SHANK2: variants seen among roughly 807,000 people sequenced by gnomAD.
The protein encoded by SHANK2 is SH3 and multiple ankyrin repeat domains protein 2.
SHANK2 carries 43 observed loss-of-function variants against 133.7 expected under a neutral mutation model. That is an observed-to-expected ratio of 0.32 (90% CI 0.25 to 0.41). SHANK2 has a LOEUF of 0.41. SHANK2 is among the 10% of genes least tolerant of loss of function. SHANK2 has a pLI of 1.00. For synonymous variants in SHANK2, 1,017 were observed against 952.8 expected, an observed-to-expected ratio of 1.07 and a Z score of -1.24; for missense variants, 1,994 against 2,235.8, an observed-to-expected ratio of 0.89 and a Z score of 2.18.
At chr11:70,802,771 C>T (rs1204147274) in intron 13 of SHANK2, among the ~76,000 whole-genome samples, 1 of 152,166 alleles carries the variant, frequency 6.6e-6, no homozygotes, top group Non-Finnish European at 1.5e-5. Flanking sequence ...ACGCTGGCGC[C>T]CCCTGTGCCC....
intron 12 of SHANK2, among the ~76,000 whole-genome samples, chr11:70,808,594 G>T (rs1183765056): frequency 1.3e-5 from 2 of 150,730 alleles, no homozygotes; most frequent in East Asian, 3.9e-4. Context: ...AATTGGCCAG[G>T]CATGGTGCTG....
chr11:70,490,333 G>A lies in SHANK2; in HGVS notation c.2494C>T (p.Pro832Ser), dbSNP rs1432362018. ...AVMTPTVPGS[P>S]KAPFLGIPRG... Reference sequence around the variant, plus strand: ...GGGATGCCCAGAAACGGGGCTTTTGGGCTCCCAGGAACAGTGGGCGTCATC... The same window carrying A: ...GGGATGCCCAGAAACGGGGCTTTTGAGCTCCCAGGAACAGTGGGCGTCATC... The change falls in exon 23 of 26, where the codon CCA becomes TCA. Residue 832 changes from proline to serine, a missense_variant. Physicochemically the swap from Pro to Ser is moderately conservative, Grantham distance 74. Coordinates refer to ENST00000601538, the MANE Select transcript of SHANK2 (RefSeq NM_012309.5). 1 of 1,614,194 alleles carries A rather than the reference G, an allele frequency of 6.2e-7. No homozygotes were observed. The highest frequency in any genetic ancestry group is 8.5e-7 in the Non-Finnish European group (1 of 1,180,034).
Position 70,756,032 on chromosome 11 carries a change from T to C in SHANK2, c.1777+42411A>G, listed in dbSNP as rs142651293. On this transcript the variant is annotated intron_variant, in intron 14 of 25. Transcript: ENST00000601538. ...CTGACGTCCTGGGGCCAAAGGCCTC[T>C]GTGATCTTGCGGAGATGGCTCTGCT... Among the ~76,000 whole-genome samples the C allele has an allele frequency of 7.9e-3, 1,202 of 152,274 alleles. 20 individuals are homozygous for C. Among genetic ancestry groups the C allele is most frequent in the African/African-American group, 0.028 (1,157 of 41,550 alleles).
chr11:70,820,446 G>T lies in SHANK2; in HGVS notation c.1411C>A (p.Pro471Thr). The T allele has an allele frequency of 1.4e-6, 1 of 713,220 alleles. No individual in the cohort carries two copies. Among genetic ancestry groups the T allele is most frequent in the East Asian group, 2.7e-5 (1 of 37,100 alleles). The allele number at this position is 713,220 out of a possible 1,614,324, so 44.2% of individuals were successfully genotyped here. ...TTGAGCGATGGGGACCGGCTGCGGGGCCCGGGCACGTAGCTCCCAATGGTC... is the reference window on the plus strand; with the variant it reads ...TTGAGCGATGGGGACCGGCTGCGGGTCCCGGGCACGTAGCTCCCAATGGTC... ...AKTIGSYVPG[P>T]RSRSPSLNRL... The change falls in exon 12 of 26, where the codon CCC becomes ACC. Residue 471 changes from proline to threonine, a missense_variant. By Grantham distance (38) the Pro-to-Thr change is conservative. This residue lies in a region of SHANK2 where 653 missense variants were observed against 563.4 expected (regional missense o/e 1.16). Coordinates refer to ENST00000601538, the MANE Select transcript of SHANK2 (RefSeq NM_012309.5).
intron 3 of SHANK2, among the ~76,000 whole-genome samples, chr11:71,128,374 G>C (rs1952231183): frequency 6.6e-6 from 1 of 152,150 alleles, no homozygotes; most frequent in South Asian, 2.1e-4. Flanking sequence ...CCTGCAAATG[G>C]ATGTAACGAG....
At chr11:70,541,345 A>C (rs2059619520) in intron 17 of SHANK2, among the ~76,000 whole-genome samples, 1 of 152,338 alleles carries the variant, frequency 6.6e-6, no homozygotes, top group African/African-American at 2.4e-5. Context: ...GAACAGTAGG[A>C]ATAGCCACCG....
chr11:70,862,009 C>G (rs1555067895), intron 11 of SHANK2, among the ~76,000 whole-genome samples: 1 of 151,814 alleles, frequency 6.6e-6, no homozygotes, highest in African/African-American at 2.4e-5. Context: ...AAAGTGAAAA[C>G]CTGGGAAGGA....
chr11:70,471,447 T>C lies in SHANK2; in HGVS notation c.*1422A>G. 1 of 398,684 alleles carries C rather than the reference T, an allele frequency of 2.5e-6. No homozygotes were observed. Among genetic ancestry groups the C allele is most frequent in the Non-Finnish European group, 4.4e-6 (1 of 226,008 alleles). 24.7% of individuals were successfully genotyped at this position (398,684 alleles called of 1,614,324 possible). A position where few individuals can be genotyped will look rare whatever the true frequency, so the allele number is the denominator to read the frequency against. On this transcript the variant is annotated 3_prime_UTR_variant, in exon 26 of 26. Transcript: ENST00000601538. This position sits in a 1 kb window ranked among gnomAD's most constrained non-coding sequence, Gnocchi z 4.1. The stretch of plus-strand genomic sequence containing the variant: ...GACCTCTTTTGGAAATTCGAGGTAT[T>C]GTTATGGGGTGGAGGGACTCCGGGG...
intron 14 of SHANK2, among the ~76,000 whole-genome samples, chr11:70,702,002 T>A (rs1237365480): frequency 1.3e-5 from 2 of 148,668 alleles, no homozygotes; most frequent in African/African-American, 5.0e-5. Context: ...ATCACCACTA[T>A]CATCATCATC....
At chr11:70,704,029 C>T in intron 14 of SHANK2, among the ~76,000 whole-genome samples, 1 of 152,222 alleles carries the variant, frequency 6.6e-6, no homozygotes, top group South Asian at 2.1e-4. Flanking sequence ...ACAATGCCGC[C>T]CTACTCCTGC....
intron 2 of SHANK2, among the ~76,000 whole-genome samples, chr11:71,200,831 T>TACAC (rs56749664): frequency 0.2 from 29,473 of 144,826 alleles, 3,014 homozygotes; most frequent in African/African-American, 0.26. Flanking sequence ...TCTCAATTAA[T>TACAC]ACACACACAC....
intron 10 of SHANK2, among the ~76,000 whole-genome samples, chr11:70,917,695 T>G (rs377091514): frequency 2.6e-5 from 4 of 152,354 alleles, no homozygotes; most frequent in South Asian, 4.1e-4. Flanking sequence ...CAAGATCATG[T>G]CCTTTGCAGG....
rs577320322 is a variant in SHANK2, at chr11:70,752,534, G to A, written c.1777+45909C>T. On this transcript the variant is annotated intron_variant, in intron 14 of 25. Transcript: ENST00000601538. Reference sequence around the variant, plus strand: ...GAGATCGAGACCACGGTGAAAGCCCGTCTCTACTAAAAATACAAAAAGTTA... The same window carrying A: ...GAGATCGAGACCACGGTGAAAGCCCATCTCTACTAAAAATACAAAAAGTTA... 7.2e-5 allele frequency among the ~76,000 whole-genome samples: 11 copies of A among 151,896 alleles called. 1 individual carries two copies. Among genetic ancestry groups the A allele is most frequent in the South Asian group, 2.1e-4 (1 of 4,806 alleles).
intron 15 of SHANK2, among the ~76,000 whole-genome samples, chr11:70,663,601 C>T (rs1235149731): frequency 6.6e-6 from 1 of 152,184 alleles, no homozygotes; most frequent in Non-Finnish European, 1.5e-5. Flanking sequence ...CAGCCGAAGA[C>T]CAGGACAATC....
chr11:70,880,393 G>A (rs1195427458), intron 11 of SHANK2, among the ~76,000 whole-genome samples: 3 of 152,190 alleles, frequency 2.0e-5, no homozygotes, highest in African/African-American at 7.2e-5. Context: ...ATGGAGGTGC[G>A]CTGAGAAAAG....
chr11:70,497,067 T>A, intron 21 of SHANK2: 1 of 456,458 alleles, frequency 2.2e-6, no homozygotes, highest in Non-Finnish European at 4.4e-6. Flanking sequence ...GTTGGGGTGG[T>A]AGGGTCAGGG....
At chr11:70,811,519 A>G (rs1049159468) in intron 12 of SHANK2, among the ~76,000 whole-genome samples, 5 of 151,976 alleles carry the variant, frequency 3.3e-5, no homozygotes, top group African/African-American at 1.2e-4. Flanking sequence ...CTGTTCTTCC[A>G]TCCATCCACC....
At chr11:71,139,364 A>AG (rs1386469394) in intron 3 of SHANK2, among the ~76,000 whole-genome samples, 1 of 79,298 alleles carries the variant, frequency 1.3e-5, no homozygotes, top group Admixed American at 1.4e-4. Context: ...GGGTAGGGGG[A>AG]GGGGGGAGGG....
At chr11:70,915,386 C>T (rs1950255879) in intron 10 of SHANK2, among the ~76,000 whole-genome samples, 1 of 152,170 alleles carries the variant, frequency 6.6e-6, no homozygotes, top group Non-Finnish European at 1.5e-5. Flanking sequence ...TTCATGGTGC[C>T]ATCTGTGGAC....
Sources: allele counts gnomAD v4.1 joint callset (sites outside exome capture counted in the v4.1 genomes callset), GRCh38; gene constraint gnomAD v4.1.1; regional missense constraint gnomAD v4.1.1; non-coding constraint Gnocchi (gnomAD v3.1); transcripts MANE v1.5; gene names NCBI Gene and HGNC (gene_info 2026-07-23, HGNC 2026-07-21).